The following CUX1 variants were observed in gnomAD, a reference collection of about 807,000 sequenced individuals.
CUX1 encodes cut like homeobox 1.
Under a neutral mutation model 158.8 loss-of-function variants are expected in CUX1, and 31 were observed. The observed-to-expected ratio is 0.20, with a 90% CI of 0.15 to 0.26. The LOEUF (loss-of-function observed/expected upper bound fraction) is 0.26. CUX1 is among the 10% of genes least tolerant of loss of function. The pLI is 1.00. For synonymous variants in CUX1, 879 were observed against 862.1 expected, an observed-to-expected ratio of 1.02 and a Z score of -0.34; for missense variants, 1,589 against 2,014.6, an observed-to-expected ratio of 0.79 and a Z score of 4.04.
intron 20 of CUX1, among the ~76,000 whole-genome samples, chr7:102,216,878 CATT>C (rs1554525070): frequency 3.7e-4 from 27 of 72,868 alleles, no homozygotes; most frequent in African/African-American, 7.8e-4. Context: ...CTCACACACA[CATT>C]ATCTCACACA....
intron 16 of CUX1, 95 bp from the exon 17 acceptor site, chr7:102,199,976 C>A: frequency 9.9e-7 from 1 of 1,006,232 alleles, no homozygotes; most frequent in East Asian, 2.7e-5. Context: ...CACCAGCCCC[C>A]ACCCGGGGCT....
intron 3 of CUX1, among the ~76,000 whole-genome samples, chr7:102,032,670 C>CTAAATAAA (rs36138259): frequency 1.3e-5 from 2 of 149,836 alleles, no homozygotes; most frequent in Non-Finnish European, 3.0e-5. Context: ...GAGACTCCGT[C>CTAAATAAA]TAAATAAATA....
intron 18 of CUX1, among the ~76,000 whole-genome samples, chr7:102,202,547 G>A (rs1028686533): frequency 2.0e-5 from 3 of 152,102 alleles, no homozygotes; most frequent in Non-Finnish European, 4.4e-5. Context: ...AAGCTGACCG[G>A]CAGCCGAGTC....
intron 9 of CUX1, among the ~76,000 whole-genome samples, chr7:102,168,243 C>T (rs1015531793): frequency 6.6e-6 from 1 of 152,166 alleles, no homozygotes; most frequent in Non-Finnish European, 1.5e-5. Context: ...GGCCTAGACA[C>T]ACCCACCCAG....
intron 20 of CUX1, among the ~76,000 whole-genome samples, chr7:102,209,473 TA>T (rs1402342705): frequency 2.2e-5 from 2 of 91,790 alleles, no homozygotes; most frequent in African/African-American, 7.5e-5. Context: ...CAGTCATGAG[TA>T]ACTTTTTTTT....
chr7:102,258,303 T>TG, downstream of CUX1: 1 of 566,508 alleles, frequency 1.8e-6, no homozygotes, highest in Non-Finnish European at 2.2e-6. Flanking sequence ...TCATTCGAGG[T>TG]CCAAAGGGCA....
chr7:102,149,267 CTACTCCGGGA>C (rs1298601987), intron 8 of CUX1, among the ~76,000 whole-genome samples: 20 of 152,156 alleles, frequency 1.3e-4, no homozygotes, highest in Admixed American at 1.3e-3. Flanking sequence ...TGGATGTCCC[CTACTCCGGGA>C]TACTGTTTCT....
intron 2 of CUX1, among the ~76,000 whole-genome samples, chr7:101,968,390 C>T (rs931133341): frequency 6.6e-6 from 1 of 152,034 alleles, no homozygotes; most frequent in Non-Finnish European, 1.5e-5. Flanking sequence ...GTCTGGGAGT[C>T]CCAAGCCACA....
chr7:102,233,251 T>C (rs1027556955), intron 21 of CUX1, among the ~76,000 whole-genome samples: 1 of 144,740 alleles, frequency 6.9e-6, no homozygotes. Flanking sequence ...AGTGGTGCAA[T>C]CATAGCTCAC....
At chr7:102,022,126 C>T (rs970870409) in intron 2 of CUX1, among the ~76,000 whole-genome samples, 2 of 151,984 alleles carry the variant, frequency 1.3e-5, no homozygotes, top group African/African-American at 4.8e-5. Flanking sequence ...AGAGAGGGCT[C>T]GGGAGTGTGT....
intron 1 of CUX1, among the ~76,000 whole-genome samples, chr7:101,891,883 CA>C (rs1362219026): frequency 8.5e-5 from 13 of 152,170 alleles, no homozygotes; most frequent in Non-Finnish European, 1.6e-4. Flanking sequence ...GAATGTCTAC[CA>C]GTTTTTCATC....
Position 102,255,081 on chromosome 7 carries a change from C to CA in CUX1, c.*6040dup. The CA allele has an allele frequency of 1.0e-6, 1 of 985,536 alleles. No homozygotes were observed. The highest frequency in any genetic ancestry group is 1.2e-6 in the Non-Finnish European group (1 of 830,046). The allele number at this position is 985,536 out of a possible 1,614,324, so 61.0% of individuals were successfully genotyped here. ...AGCCCCAGCCCTACTCCCGGCCCCC[C>CA]AGCCCAGTCTTCCCAATCCCAGAGG... On this transcript the variant is annotated 3_prime_UTR_variant, in exon 24 of 24. Transcript: ENST00000292535.
chr7:101,941,562 A>G (rs1807717775), intron 2 of CUX1, among the ~76,000 whole-genome samples: 1 of 152,168 alleles, frequency 6.6e-6, no homozygotes, highest in Non-Finnish European at 1.5e-5. Flanking sequence ...TCCTCAAGCT[A>G]CTGGATCTCC....
intron 3 of CUX1, among the ~76,000 whole-genome samples, chr7:102,030,701 T>TTTTTTTTTTGTTTTTTGTTTTTTTTTA: frequency 6.7e-6 from 1 of 148,414 alleles, no homozygotes; most frequent in Non-Finnish European, 1.5e-5. Context: ...GTTTTTTTTT[T>TTTTTTTTTTGTTTTTTGTTTTTTTTTA]TTGAGACAGG....
intron 2 of CUX1, among the ~76,000 whole-genome samples, chr7:101,997,120 C>G (rs997723802): frequency 6.6e-6 from 1 of 152,116 alleles, no homozygotes; most frequent in Non-Finnish European, 1.5e-5. Flanking sequence ...CAAACACAGT[C>G]CTTGTCAGCA....
chr7:102,148,647 T>C (rs1237810925), intron 8 of CUX1, among the ~76,000 whole-genome samples: 1 of 149,156 alleles, frequency 6.7e-6, no homozygotes, highest in Non-Finnish European at 1.5e-5. Context: ...AATAAATGTA[T>C]ATATATAATG....
chr7:102,095,754 G>A (rs1192941952), intron 4 of CUX1, among the ~76,000 whole-genome samples: 15 of 152,156 alleles, frequency 9.9e-5, no homozygotes, highest in Admixed American at 5.2e-4. Flanking sequence ...CTAAATCTCT[G>A]CAGCCATCTC....
intron 20 of CUX1, among the ~76,000 whole-genome samples, chr7:102,215,104 C>G (rs927718044): frequency 6.6e-6 from 1 of 152,168 alleles, no homozygotes; most frequent in Non-Finnish European, 1.5e-5. Context: ...CGCCATCAGG[C>G]CTTCTCATTC....
intron 1 of CUX1, among the ~76,000 whole-genome samples, chr7:101,850,851 T>G (rs1562927450): frequency 6.6e-6 from 1 of 152,180 alleles, no homozygotes; most frequent in African/African-American, 2.4e-5. Context: ...GTAATTCCAG[T>G]GCTTTGGAAG....
Sources: gnomAD v4.1 joint callset for allele counts (sites outside exome capture counted in the v4.1 genomes callset) on GRCh38, gnomAD v4.1.1 for gene constraint, MANE v1.5 for transcripts, NCBI Gene and HGNC (gene_info 2026-07-23, HGNC 2026-07-21) for gene names.